The following ANTXR1 variants were observed in gnomAD, a reference collection of about 807,000 sequenced individuals.
The protein encoded by ANTXR1 is ANTXR cell adhesion molecule 1.
ANTXR1 carries 19 observed loss-of-function variants against 78.1 expected under a neutral mutation model. The observed-to-expected ratio is 0.24, with a 90% CI of 0.17 to 0.36. ANTXR1 has a LOEUF of 0.36. ANTXR1 is among the 10% of genes least tolerant of loss of function. The pLI is 1.00. For synonymous variants in ANTXR1, 273 were observed against 260.5 expected (o/e 1.05, Z -0.46); for missense variants, 518 against 718.6 (o/e 0.72, Z 3.19).
rs1422825647 is a variant in ANTXR1 at position 69,248,826 on chromosome 2, A to T, written c.*3341A>T. ...ATGGTTGAATTAGTTTGCAAACTAT[A>T]TAAAGACATATGCAGTAAAAAGTCT... On this transcript the variant is annotated 3_prime_UTR_variant, in exon 18 of 18. Coordinates refer to ENST00000303714, the MANE Select transcript of ANTXR1 (RefSeq NM_032208.3). 6.6e-6 allele frequency: 1 copy of T among 152,258 alleles called. No homozygotes were observed. The highest frequency in any genetic ancestry group is 1.5e-5 in the Non-Finnish European group (1 of 68,040). The allele number at this position is 152,258 out of a possible 1,614,324, so 9.4% of individuals were successfully genotyped here.
rs182542645 is a variant in ANTXR1 at position 69,020,669 on chromosome 2, T to C, written c.152+7018T>C. ...TGCTAATTTAGAATGTGTGTCTATGTTTGGTATGCGGCCAAGAGACTGGAT... is the reference window on the plus strand; with the variant it reads ...TGCTAATTTAGAATGTGTGTCTATGCTTGGTATGCGGCCAAGAGACTGGAT... On this transcript the variant is annotated intron_variant, in intron 1 of 17. Coordinates refer to ENST00000303714, the MANE Select transcript of ANTXR1 (RefSeq NM_032208.3). 3.3e-5 allele frequency among the ~76,000 whole-genome samples: 5 copies of C among 152,342 alleles called. No individual in the cohort carries two copies. The East Asian group carries it at 9.6e-4, about 29-fold the overall frequency.
At chr2:69,092,896 A>T (rs1346125676) in intron 9 of ANTXR1, among the ~76,000 whole-genome samples, 1 of 152,242 alleles carries the variant, frequency 6.6e-6, no homozygotes, top group African/African-American at 2.4e-5. Flanking sequence ...TTATAAACAC[A>T]CATTTTATAG....
chr2:69,170,131 T>C, intron 13 of ANTXR1, 117 bp from the exon 14 acceptor site: 1 of 1,113,132 alleles, frequency 9.0e-7, no homozygotes, highest in Non-Finnish European at 1.4e-6. Context: ...CCCGACTTGC[T>C]GGGGCCATTG....
chr2:69,043,256 A>T (rs539104239), intron 2 of ANTXR1, among the ~76,000 whole-genome samples: 1 of 152,272 alleles, frequency 6.6e-6, no homozygotes, highest in South Asian at 2.1e-4. Flanking sequence ...TCAGGGCCTC[A>T]ATTTCCTTTT....
intron 17 of ANTXR1, among the ~76,000 whole-genome samples, chr2:69,198,285 C>T (rs776238238): frequency 9.2e-5 from 14 of 152,148 alleles, no homozygotes; most frequent in African/African-American, 4.8e-5. Context: ...ATATTATTAA[C>T]GTACCTATTT....
At chr2:69,101,580 C>A (rs1161558829) in intron 9 of ANTXR1, among the ~76,000 whole-genome samples, 1 of 152,206 alleles carries the variant, frequency 6.6e-6, no homozygotes, top group Non-Finnish European at 1.5e-5. Context: ...ATTGTCTTGG[C>A]AAACATGGCC....
At chr2:69,207,397 C>T (rs1674931650) in intron 17 of ANTXR1, among the ~76,000 whole-genome samples, 1 of 152,150 alleles carries the variant, frequency 6.6e-6, no homozygotes, top group Non-Finnish European at 1.5e-5. Context: ...AAGGCTTCCC[C>T]AGAAATACCA....
Position 69,152,274 on chromosome 2 carries a change from C to G in ANTXR1, c.1047+10C>G, listed in dbSNP as rs148990903. The stretch of plus-strand genomic sequence containing the variant: ...CCTCTGCTGCACTGTGGTAAGTGCC[C>G]CAAACCTCAGGCCATGCAAGGTGAA... On this transcript the variant is annotated intron_variant, in intron 13 of 17. Coordinates refer to ENST00000303714, the MANE Select transcript of ANTXR1 (RefSeq NM_032208.3). 1 of 1,613,134 alleles carries G rather than the reference C, an allele frequency of 6.2e-7. No individual in the cohort carries two copies. Among genetic ancestry groups the G allele is most frequent in the Non-Finnish European group, 8.5e-7 (1 of 1,179,156 alleles).
intron 17 of ANTXR1, among the ~76,000 whole-genome samples, chr2:69,197,583 T>C (rs1405464860): frequency 1.3e-5 from 2 of 152,168 alleles, no homozygotes; most frequent in Admixed American, 6.5e-5. Context: ...CTTGGTAATA[T>C]TGTTCATTGT....
chr2:69,171,610 C>T (rs1673987318), intron 14 of ANTXR1, among the ~76,000 whole-genome samples: 1 of 152,198 alleles, frequency 6.6e-6, no homozygotes, highest in South Asian at 2.1e-4. Flanking sequence ...TCTTTTGGCT[C>T]TTGCTCTGTA....
chr2:69,187,881 AC>A (rs1243768204), intron 16 of ANTXR1, among the ~76,000 whole-genome samples: 1 of 151,530 alleles, frequency 6.6e-6, no homozygotes, highest in Non-Finnish European at 1.5e-5. Flanking sequence ...AAGCCACCGC[AC>A]CTGGCCTACC....
At chr2:69,086,157 T>C (rs187260966) in intron 8 of ANTXR1, among the ~76,000 whole-genome samples, 20 of 152,346 alleles carry the variant, frequency 1.3e-4, no homozygotes, top group African/African-American at 4.6e-4. Context: ...GATTGGTTGT[T>C]TATTAAAGCA....
chr2:69,097,728 C>T (rs967196330), intron 9 of ANTXR1, among the ~76,000 whole-genome samples: 4 of 152,280 alleles, frequency 2.6e-5, no homozygotes, highest in Admixed American at 6.5e-5. Flanking sequence ...CATTCCACTC[C>T]GAGGTTTTAC....
At chr2:69,047,819 TAC>T (rs765716637) in intron 3 of ANTXR1, among the ~76,000 whole-genome samples, 4 of 152,156 alleles carry the variant, frequency 2.6e-5, no homozygotes, top group Admixed American at 6.5e-5. Context: ...ACTTCAATTT[TAC>T]AGATAAGGAC....
chr2:69,200,519 C>T (rs1674750641), intron 17 of ANTXR1, among the ~76,000 whole-genome samples: 1 of 152,252 alleles, frequency 6.6e-6, no homozygotes, highest in Non-Finnish European at 1.5e-5. Flanking sequence ...AGTGTCTGCA[C>T]TCTTGCATTC....
intron 17 of ANTXR1, among the ~76,000 whole-genome samples, chr2:69,223,334 G>A (rs1675366919): frequency 2.0e-5 from 3 of 152,174 alleles, no homozygotes. Flanking sequence ...TAATTCCTGT[G>A]TCACTCTCCA....
At chr2:69,074,387 A>C (rs1005936747) in intron 6 of ANTXR1, among the ~76,000 whole-genome samples, 5 of 152,216 alleles carry the variant, frequency 3.3e-5, no homozygotes, top group Non-Finnish European at 7.3e-5. Context: ...AATTGAAACT[A>C]AAATAAATGA....
chr2:69,157,335 T>G (rs1673555084), intron 13 of ANTXR1, among the ~76,000 whole-genome samples: 2 of 151,994 alleles, frequency 1.3e-5, no homozygotes. Flanking sequence ...TTGTTCCTGG[T>G]CAGTGTCACC....
chr2:69,024,151 G>A (rs551204628), intron 1 of ANTXR1, among the ~76,000 whole-genome samples: 22 of 152,288 alleles, frequency 1.4e-4, no homozygotes, highest in African/African-American at 5.3e-4. Flanking sequence ...CACTGGCTGT[G>A]AGTGAATGGG....
Sources: gnomAD v4.1 joint callset for allele counts (sites outside exome capture counted in the v4.1 genomes callset) on GRCh38, gnomAD v4.1.1 for gene constraint, MANE v1.5 for transcripts, NCBI Gene and HGNC (gene_info 2026-07-23, HGNC 2026-07-21) for gene names.